The following RTL1 variants were observed in gnomAD, a reference collection of about 807,000 sequenced individuals.
The protein encoded by RTL1 is retrotransposon Gag like 1, also known as retrotransposon-like protein 1.
For missense variants in RTL1, 1,681 were observed against 1,767.5 expected (o/e 0.95, Z 0.88); for synonymous variants, 727 against 748.4 (o/e 0.97, Z 0.47).
At chr14:100,885,523 GTTT>G (rs5811014) in intron 3 of RTL1, among the ~76,000 whole-genome samples, 12 of 141,558 alleles carry the variant, frequency 8.5e-5, no homozygotes, top group East Asian at 6.1e-4. Flanking sequence ...ACAGGTCTGG[GTTT>G]TTTTTTTTTT....
At chr14:100,887,104 A>C (rs1396902083) in intron 3 of RTL1, among the ~76,000 whole-genome samples, 2 of 152,210 alleles carry the variant, frequency 1.3e-5, no homozygotes, top group Non-Finnish European at 2.9e-5. Flanking sequence ...TTGCCTGTAA[A>C]GTTTCAACCA....
chr14:100,899,077 T>C (rs1259692591), intron 2 of RTL1: 2 of 152,360 alleles, frequency 1.3e-5, no homozygotes, highest in African/African-American at 4.8e-5. Context: ...ATCTGTCCCG[T>C]GGCGCTGGGT....
intron 3 of RTL1, among the ~76,000 whole-genome samples, chr14:100,888,741 A>G (rs35355082): frequency 0.15 from 23,498 of 152,274 alleles, 2,493 homozygotes; most frequent in Middle Eastern, 0.3. Context: ...ATTCCTTGGC[A>G]TATGCAACAG....
intron 2 of RTL1, among the ~76,000 whole-genome samples, chr14:100,900,380 G>A (rs776145397): frequency 2.2e-4 from 33 of 152,196 alleles, no homozygotes; most frequent in Non-Finnish European, 4.6e-4. Flanking sequence ...GAACCTCCTC[G>A]GCCGCTGTGA....
rs1174803314 is a variant in RTL1 at position 100,883,280 on chromosome 14, G to C, written c.1509C>G (p.Val503=). The C allele has an allele frequency of 6.4e-7, 1 of 1,551,312 alleles. No homozygotes were observed. The highest frequency in any genetic ancestry group is 2.0e-5 in the Admixed American group (1 of 50,984). Residue 503 remains valine, a synonymous_variant, in exon 4 of 4, where the codon GTC becomes GTG. Coordinates refer to ENST00000649591, the MANE Select transcript of RTL1 (RefSeq NM_001134888.3). The surrounding 1 kb of genome is among the most constrained non-coding windows in gnomAD (Gnocchi z 5.9). ...GGACTCGGAGCCAGCGGATGCCTAG[G>C]ACCACAGAGAAGTTCGGTGAAGGTA... The part of the protein sequence containing the change: ...DIVPSPNFSV[V]LGIRWLRVHA...
Position 100,889,995 on chromosome 14 carries a change from G to A in RTL1, c.-87+3449C>T, listed in dbSNP as rs545643213. On this transcript the variant is annotated intron_variant, in intron 3 of 3. Transcript: ENST00000649591. ...TCATATTCTCAGTCCTTCAGCTGTGGCTCAATACATGTTGTTCTCAAATCT... is the reference window on the plus strand; with the variant it reads ...TCATATTCTCAGTCCTTCAGCTGTGACTCAATACATGTTGTTCTCAAATCT... Among the ~76,000 whole-genome samples, 3 of 149,482 alleles carry A rather than the reference G, an allele frequency of 2.0e-5. No individual in the cohort carries two copies. In the East Asian group the frequency reaches 5.9e-4, roughly 29 times the overall value.
In RTL1 at chr14:100,882,853, A is replaced by G. The variant is rs1051658605; in HGVS notation, c.1936T>C (p.Tyr646His). The change falls in exon 4 of 4, where the codon TAC becomes CAC. Residue 646 changes from tyrosine to histidine, a missense_variant. Coordinates refer to ENST00000649591, the MANE Select transcript of RTL1 (RefSeq NM_001134888.3). ...AACAGTTCCGGAATCATCTGTATGT[A>G]GTCCTGTCTGTTGGTCAGCATGTCC... ...LQDMLTNRQD[Y>H]IQMIPELFDQ... 6.4e-7 allele frequency: 1 copy of G among 1,557,722 alleles called. No individual in the cohort carries two copies. The highest frequency in any genetic ancestry group is 1.2e-5 in the South Asian group (1 of 85,048).
At position 100,893,476 on chromosome 14, in the gene RTL1, C is replaced by T. The variant is rs1319077203; in HGVS notation, c.-119G>A. ...GCAAGCGTTCAAGTGGATCTCCTCC[C>T]GTCCTGTGCCACTCGATCCTCGCTG... On this transcript the variant is annotated 5_prime_UTR_variant, in exon 3 of 4. Transcript: ENST00000649591. The surrounding 1 kb of genome is among the most constrained non-coding windows in gnomAD (Gnocchi z 4.2). 1.3e-5 allele frequency among the ~76,000 whole-genome samples: 2 copies of T among 152,150 alleles called. No homozygotes were observed. Among genetic ancestry groups the T allele is most frequent in the African/African-American group, 4.8e-5 (2 of 41,442 alleles).
intron 2 of RTL1, among the ~76,000 whole-genome samples, chr14:100,894,149 A>G (rs890371108): frequency 6.6e-6 from 1 of 151,952 alleles, no homozygotes; most frequent in Non-Finnish European, 1.5e-5. Context: ...GTCTCTACTA[A>G]AAATACAAAA....
At chr14:100,898,749 G>A (rs1208012938) in intron 2 of RTL1, among the ~76,000 whole-genome samples, 5 of 152,246 alleles carry the variant, frequency 3.3e-5, no homozygotes, top group African/African-American at 1.2e-4. Flanking sequence ...CGGCCTTAAA[G>A]AGCAGGCTTG....
At chr14:100,901,615 CCCCTCAA>C (rs1307293888) in intron 2 of RTL1, among the ~76,000 whole-genome samples, 2 of 152,200 alleles carry the variant, frequency 1.3e-5, no homozygotes, top group South Asian at 4.1e-4. Context: ...CAGAAAAGGG[CCCCTCAA>C]CCTGCCAGAC....
In RTL1 at chr14:100,898,776, G is replaced by A. The variant is rs964594901; in HGVS notation, c.-149+4515C>T. ...GCAGGCTTGAAATATCCCTGTTGGG[G>A]AGCCCAAAGTTAGATGGGCCCCACG... is the stretch of plus-strand genomic sequence containing the variant. On this transcript the variant is annotated intron_variant, in intron 2 of 3. Transcript: ENST00000649591. Among the ~76,000 whole-genome samples, 3 of 152,250 alleles carry A rather than the reference G, an allele frequency of 2.0e-5. 1 individual carries two copies. The highest frequency in any genetic ancestry group is 2.9e-5 in the Non-Finnish European group (2 of 68,042).
At chr14:100,900,435 G>T (rs571178202) in intron 2 of RTL1, among the ~76,000 whole-genome samples, 1 of 152,218 alleles carries the variant, frequency 6.6e-6, no homozygotes, top group Non-Finnish European at 1.5e-5. Context: ...TTACTCGGGA[G>T]CGTGAGCCTG....
intron 1 of RTL1, among the ~76,000 whole-genome samples, 25 bp downstream of exon 1, chr14:100,903,580 C>T (rs2038971734): frequency 6.6e-6 from 1 of 152,136 alleles, no homozygotes; most frequent in South Asian, 2.1e-4. Context: ...AACTGAGGCA[C>T]AGAAAGGCAA....
At chr14:100,903,206 A>T in intron 2 of RTL1, among the ~76,000 whole-genome samples, 85 bp downstream of exon 2, 1 of 151,988 alleles carries the variant, frequency 6.6e-6, no homozygotes, top group East Asian at 1.9e-4. Flanking sequence ...GGGAGGAGAA[A>T]CTCAGCGGGG....
At position 100,884,335 on chromosome 14, in the gene RTL1, C is replaced by G. The variant is rs982408554; in HGVS notation, c.454G>C (p.Glu152Gln). 28 of 1,553,020 alleles carry G rather than the reference C, an allele frequency of 1.8e-5. No homozygotes were observed. The highest frequency in any genetic ancestry group is 2.1e-5 in the Non-Finnish European group (24 of 1,147,536). ...KESGREETPQ[E>Q]QNQTEHSTAE... ...GTTGAGTGCTCGGTCTGGTTTTGCTCTTGAGGAGTCTCCTCCCTTCCCGAT... is the reference window on the plus strand; with the variant it reads ...GTTGAGTGCTCGGTCTGGTTTTGCTGTTGAGGAGTCTCCTCCCTTCCCGAT... Residue 152 changes from glutamate (E) to glutamine (Q), a missense_variant, in exon 4 of 4, where the codon GAG (glutamate) becomes CAG (glutamine). By Grantham distance (29) the Glu-to-Gln change is conservative. Coordinates refer to ENST00000649591, the MANE Select transcript of RTL1 (RefSeq NM_001134888.3).
chr14:100,884,547 G>A lies in RTL1; in HGVS notation c.242C>T (p.Ser81Phe). ...CTCTATTTCCTTACGTGGGCCACTGGATGGCTCCTCCATGTCTTGGAGTAG... is the reference window on the plus strand; with the variant it reads ...CTCTATTTCCTTACGTGGGCCACTGAATGGCTCCTCCATGTCTTGGAGTAG... ...TDLLQDMEEP[S>F]SGPRKEIEDP... Residue 81 changes from serine to phenylalanine, a missense_variant, in exon 4 of 4, where the codon TCC becomes TTC. Transcript: ENST00000649591. The A allele has an allele frequency of 6.2e-7, 1 of 1,613,204 alleles. No homozygotes were observed. Among genetic ancestry groups the A allele is most frequent in the South Asian group, 1.1e-5 (1 of 91,068 alleles).
Position 100,893,914 on chromosome 14 carries a change from C to T in RTL1, c.-148-409G>A, listed in dbSNP as rs1194227185. 3.3e-5 allele frequency among the ~76,000 whole-genome samples: 5 copies of T among 152,228 alleles called. No individual in the cohort carries two copies. The highest frequency in any genetic ancestry group is 7.2e-5 in the African/African-American group (3 of 41,450). ...CCAGCCAGAGCGTCAGCCTCGCTGG[C>T]GTCCTCACTGGCCATGGCCCTGCAG... On this transcript the variant is annotated intron_variant, in intron 2 of 3. Coordinates refer to ENST00000649591, the MANE Select transcript of RTL1 (RefSeq NM_001134888.3). This position sits in a 1 kb window ranked among gnomAD's most constrained non-coding sequence, Gnocchi z 4.2.
Position 100,882,321 on chromosome 14 carries a change from A to G in RTL1, c.2468T>C (p.Val823Ala), listed in dbSNP as rs943218503. The G allele has an allele frequency of 6.4e-7, 1 of 1,551,626 alleles. No homozygotes were observed. Among genetic ancestry groups the G allele is most frequent in the African/African-American group, 1.4e-5 (1 of 73,068 alleles). The change falls in exon 4 of 4, where the codon GTG becomes GCG. Residue 823 changes from valine (V) to alanine (A), a missense_variant. By Grantham distance (64) the Val-to-Ala change is moderately conservative (BLOSUM62 0). Transcript: ENST00000649591. ...IEFVFPYRHFVERFSIIAEPL... is the reference protein window; with the variant it reads ...IEFVFPYRHFAERFSIIAEPL... ...CTCTGCGATGATGCTGAAGCGCTCC[A>G]CGAAGTGGCGGTAGGGGAAGACGAA...
Sources: gnomAD v4.1 joint callset for allele counts (sites outside exome capture counted in the v4.1 genomes callset) on GRCh38, gnomAD v4.1.1 for gene constraint, Gnocchi (gnomAD v3.1) non-coding constraint, MANE v1.5 for transcripts, NCBI Gene and HGNC (gene_info 2026-07-23, HGNC 2026-07-21) for gene names.